ANK2: variants seen among roughly 807,000 people sequenced by gnomAD.
The protein encoded by ANK2 is ankyrin-2.
A neutral mutation model predicts 360.5 loss-of-function variants in ANK2; 83 were observed. That is an observed-to-expected ratio of 0.23 (90% CI 0.19 to 0.28). The LOEUF is 0.28. Among genes scored for constraint, ANK2 ranks in the 10% least tolerant of loss-of-function variants. The pLI, the probability that ANK2 is intolerant of heterozygous loss-of-function variation, is 1.00. For missense variants in ANK2, 4,201 were observed against 4,795.7 expected (o/e 0.88, Z 3.66); for synonymous variants, 1,740 against 1,759.5 (o/e 0.99, Z 0.28).
intron 2 of ANK2, among the ~76,000 whole-genome samples, chr4:113,185,290 C>G (rs1056096326): frequency 2.0e-5 from 3 of 152,210 alleles, no homozygotes; most frequent in Non-Finnish European, 4.4e-5. Flanking sequence ...AATTGCCACT[C>G]TGTCTTCCAC....
chr4:112,872,877 T>C (rs957211926), intron 1 of ANK2, among the ~76,000 whole-genome samples: 1 of 152,184 alleles, frequency 6.6e-6, no homozygotes, highest in Non-Finnish European at 1.5e-5. Flanking sequence ...TTTTTTTTAA[T>C]TACTGAATCA....
chr4:113,168,056 T>C (rs1336070626), intron 1 of ANK2, among the ~76,000 whole-genome samples: 1 of 152,216 alleles, frequency 6.6e-6, no homozygotes, highest in East Asian at 1.9e-4. Context: ...ATTAATGCTT[T>C]GAAAGAGATA....
At chr4:112,708,709 GTTA>G in the ANK2 span, among the ~76,000 whole-genome samples, 1 of 152,096 alleles carries the variant, frequency 6.6e-6, no homozygotes, top group South Asian at 2.1e-4. Context: ...TCCTTTCCAT[GTTA>G]TTTAGACAAA....
At chr4:113,115,425 C>T (rs1366467167) in intron 1 of ANK2, among the ~76,000 whole-genome samples, 1 of 152,130 alleles carries the variant, frequency 6.6e-6, no homozygotes, top group East Asian at 1.9e-4. Context: ...CTCTCCCTTC[C>T]TCTACCCTCT....
intron 2 of ANK2, among the ~76,000 whole-genome samples, chr4:112,918,873 C>A (rs531665800): frequency 5.3e-5 from 8 of 152,082 alleles, no homozygotes; most frequent in African/African-American, 1.9e-4. Context: ...ACTTCTTGAA[C>A]GTGGAATTCA....
intron 22 of ANK2, among the ~76,000 whole-genome samples, chr4:113,297,200 A>G (rs908178958): frequency 6.6e-6 from 1 of 152,162 alleles, no homozygotes; most frequent in African/African-American, 2.4e-5. Context: ...GTATATTTCA[A>G]CATAACTAGA....
intron 1 of ANK2, among the ~76,000 whole-genome samples, chr4:113,073,545 C>T (rs576614306): frequency 6.6e-6 from 1 of 152,218 alleles, no homozygotes; most frequent in African/African-American, 2.4e-5. Context: ...CAGAAGACTA[C>T]AGGCCAGAGG....
intron 26 of ANK2, among the ~76,000 whole-genome samples, chr4:113,328,362 C>T (rs1208410279): frequency 1.3e-5 from 2 of 151,966 alleles, no homozygotes; most frequent in Non-Finnish European, 2.9e-5. Flanking sequence ...CTTTTTGCTA[C>T]TTTTTCACAA....
At chr4:113,310,423 A>C (rs974025198) in intron 23 of ANK2, among the ~76,000 whole-genome samples, 2 of 151,030 alleles carry the variant, frequency 1.3e-5, no homozygotes, top group Admixed American at 1.3e-4. Flanking sequence ...ATATAAGCAG[A>C]CTTTTTTTTT....
At chr4:113,022,364 A>G (rs972915474) in intron 2 of ANK2, among the ~76,000 whole-genome samples, 5 of 152,168 alleles carry the variant, frequency 3.3e-5, no homozygotes, top group African/African-American at 1.2e-4. Context: ...CATATTTGGT[A>G]CGCAATTCCA....
chr4:113,313,065 G>T (rs1277891073), intron 24 of ANK2, among the ~76,000 whole-genome samples: 1 of 152,084 alleles, frequency 6.6e-6, no homozygotes, highest in Non-Finnish European at 1.5e-5. Flanking sequence ...GGAAGGGGAA[G>T]GAGATTAAAT....
intron 8 of ANK2, among the ~76,000 whole-genome samples, chr4:113,241,642 AAGG>A (rs2040009122): frequency 6.6e-6 from 1 of 152,198 alleles, no homozygotes; most frequent in Non-Finnish European, 1.5e-5. Flanking sequence ...GCCCAACTTG[AAGG>A]AGATGTTTTT....
chr4:113,291,575 T>C (rs186398122), intron 20 of ANK2, among the ~76,000 whole-genome samples: 23 of 152,234 alleles, frequency 1.5e-4, no homozygotes, highest in African/African-American at 2.4e-4. Flanking sequence ...AACAAGCAAA[T>C]ATGTATGTTG....
chr4:112,975,729 A>G (rs2041156519), intron 2 of ANK2, among the ~76,000 whole-genome samples: 1 of 152,090 alleles, frequency 6.6e-6, no homozygotes, highest in Non-Finnish European at 1.5e-5. Context: ...GCTTCCCTTT[A>G]ATTTTGACAG....
At chr4:113,025,729 T>G (rs1483191782) in intron 2 of ANK2, among the ~76,000 whole-genome samples, 1 of 152,138 alleles carries the variant, frequency 6.6e-6, no homozygotes, top group Non-Finnish European at 1.5e-5. Flanking sequence ...AAATTTAAAT[T>G]GCTAAGGAGA....
chr4:112,837,447 C>A (rs981449576), intron 1 of ANK2, among the ~76,000 whole-genome samples: 2 of 152,264 alleles, frequency 1.3e-5, no homozygotes, highest in African/African-American at 4.8e-5. Flanking sequence ...GGAGACCTCA[C>A]ACACAGTCCC....
chr4:113,183,041 G>A (rs1273085712), intron 2 of ANK2, among the ~76,000 whole-genome samples: 1 of 152,078 alleles, frequency 6.6e-6, no homozygotes, highest in East Asian at 1.9e-4. Flanking sequence ...ACAAGTGGAG[G>A]GACTGGCTTT....
the ANK2 span, among the ~76,000 whole-genome samples, chr4:112,810,137 ATATATATATATATATATATATATT>A: frequency 3.0e-5 from 1 of 32,798 alleles, no homozygotes. Context: ...ATATATATAT[ATATATATATATATATATATATATT>A]TTTTTTTTTT....
At chr4:113,302,626 A>C in intron 22 of ANK2, 141 bp from the exon 23 acceptor site, 1 of 679,674 alleles carries the variant, frequency 1.5e-6, no homozygotes, top group East Asian at 2.7e-5. Context: ...GCAAATTTCC[A>C]AAATATACAC....
Sources: gnomAD v4.1 joint callset for allele counts (sites outside exome capture counted in the v4.1 genomes callset) on GRCh38, gnomAD v4.1.1 for gene constraint, MANE v1.5 for transcripts, NCBI Gene and HGNC (gene_info 2026-07-23, HGNC 2026-07-21) for gene names.